The following PUM1 variants were observed in gnomAD, a reference collection of about 807,000 sequenced individuals.
PUM1 encodes the protein pumilio homolog 1.
A neutral mutation model predicts 131.8 loss-of-function variants in PUM1; 13 were observed. That is an observed-to-expected ratio of 0.10 (90% CI 0.06 to 0.16). The LOEUF (loss-of-function observed/expected upper bound fraction) is 0.16. Among genes scored for constraint, PUM1 ranks in the 10% least tolerant of loss-of-function variants. The probability of loss-of-function intolerance (pLI) is 1.00; values close to 1 mark genes in which losing one functional copy is unlikely to be tolerated. For synonymous variants in PUM1, 509 were observed against 556.5 expected (o/e 0.91, Z 1.20); for missense variants, 961 against 1,512.4 (o/e 0.64, Z 6.05).
intron 3 of PUM1, among the ~76,000 whole-genome samples, chr1:31,017,772 A>G (rs1253478089): frequency 7.9e-5 from 12 of 152,178 alleles, no homozygotes; most frequent in Non-Finnish European, 1.6e-4. Flanking sequence ...GTGAAAAATC[A>G]CTAATGTCAG....
intron 20 of PUM1, among the ~76,000 whole-genome samples, chr1:30,939,057 C>G (rs1333274430): frequency 1.3e-5 from 2 of 152,190 alleles, no homozygotes; most frequent in African/African-American, 4.8e-5. Flanking sequence ...ATTTAAACAG[C>G]TGCTGTATAA....
chr1:30,990,021 T>C (rs1272829854), intron 7 of PUM1, among the ~76,000 whole-genome samples: 2 of 152,236 alleles, frequency 1.3e-5, no homozygotes, highest in African/African-American at 4.8e-5. Context: ...CTGGATATTA[T>C]ACAGCATAGT....
At chr1:30,988,615 T>C (rs1268368963) in intron 7 of PUM1, among the ~76,000 whole-genome samples, 5 of 152,190 alleles carry the variant, frequency 3.3e-5, no homozygotes, top group Admixed American at 6.5e-5. Context: ...AGACCTCTGG[T>C]CCAACCCTCA....
intron 7 of PUM1, among the ~76,000 whole-genome samples, chr1:30,984,698 A>G (rs1340648240): frequency 1.3e-5 from 2 of 152,218 alleles, no homozygotes; most frequent in Non-Finnish European, 2.9e-5. Flanking sequence ...TATTAAAAAC[A>G]GTCTACAGAG....
chr1:30,945,142 G>C (rs1325529547), intron 18 of PUM1, among the ~76,000 whole-genome samples: 2 of 152,126 alleles, frequency 1.3e-5, no homozygotes, highest in Non-Finnish European at 2.9e-5. Context: ...GCTGAGGGGG[G>C]AGGATTGCTT....
intron 7 of PUM1, among the ~76,000 whole-genome samples, chr1:30,982,832 C>A (rs1641403795): frequency 1.3e-5 from 2 of 152,154 alleles, no homozygotes; most frequent in African/African-American, 4.8e-5. Flanking sequence ...AGATATTGGC[C>A]AATTTCACCT....
chr1:31,044,283 C>T (rs1002735565), intron 2 of PUM1, among the ~76,000 whole-genome samples: 4 of 152,058 alleles, frequency 2.6e-5, no homozygotes, highest in African/African-American at 4.8e-5. Flanking sequence ...CGCCTGTAGT[C>T]CCAGCTACTC....
At chr1:30,988,269 T>C (rs1206037278) in intron 7 of PUM1, among the ~76,000 whole-genome samples, 1 of 152,218 alleles carries the variant, frequency 6.6e-6, no homozygotes, top group Admixed American at 6.5e-5. Context: ...ATGTCACAGC[T>C]AACAAGAACT....
At chr1:31,017,868 T>C (rs908054815) in intron 3 of PUM1, among the ~76,000 whole-genome samples, 3 of 152,128 alleles carry the variant, frequency 2.0e-5, no homozygotes, top group Admixed American at 1.3e-4. Flanking sequence ...CTTTAAAAGA[T>C]TGATCTGACA....
intron 9 of PUM1, 81 bp downstream of exon 9, chr1:30,979,981 G>C: frequency 2.1e-6 from 2 of 954,200 alleles, no homozygotes; most frequent in East Asian, 2.6e-5. Context: ...ATGGATTTGG[G>C]AAAGAGTATA....
chr1:31,035,755 T>TA (rs796171418), intron 2 of PUM1, among the ~76,000 whole-genome samples: 3,016 of 132,732 alleles, frequency 0.023, 111 homozygotes, highest in African/African-American at 0.076. Context: ...CCATCTCAAA[T>TA]AAAAAAAAAA....
chr1:31,049,515 C>CAA (rs112696868), intron 2 of PUM1, among the ~76,000 whole-genome samples: 21 of 121,944 alleles, frequency 1.7e-4, no homozygotes, highest in Middle Eastern at 4.4e-3. Context: ...GATTCCGTCT[C>CAA]AAAAAAAAAA....
At chr1:31,012,552 TAAAAA>T (rs10666570) in intron 3 of PUM1, among the ~76,000 whole-genome samples, 22 of 119,184 alleles carry the variant, frequency 1.8e-4, no homozygotes, top group Non-Finnish European at 3.0e-4. Flanking sequence ...TTATGAAAAG[TAAAAA>T]AAAAAAAAAA....
chr1:31,040,457 T>C (rs1017116905), intron 2 of PUM1, among the ~76,000 whole-genome samples: 5 of 151,982 alleles, frequency 3.3e-5, no homozygotes, highest in Non-Finnish European at 7.4e-5. Context: ...ATGAAGAAGG[T>C]AGGGGATTCC....
chr1:30,942,320 A>G (rs748371423), intron 18 of PUM1, among the ~76,000 whole-genome samples, 197 bp from the exon 19 acceptor site: 7 of 147,878 alleles, frequency 4.7e-5, no homozygotes, highest in Non-Finnish European at 7.4e-5. Flanking sequence ...GTATCAATAA[A>G]CTCATCGCTT....
At chr1:30,996,606 T>C (rs1557576767) in intron 5 of PUM1, among the ~76,000 whole-genome samples, 1 of 152,198 alleles carries the variant, frequency 6.6e-6, no homozygotes, top group Non-Finnish European at 1.5e-5. Context: ...GATATACAAC[T>C]TAGCTTCATG....
At chr1:31,055,484 A>G (rs1273650426) in intron 2 of PUM1, 2 of 435,560 alleles carry the variant, frequency 4.6e-6, no homozygotes, top group Non-Finnish European at 4.6e-6. Context: ...ATGACTACAG[A>G]AAAGTAACCT....
chr1:30,992,690 C>T lies in PUM1; in HGVS notation c.888-30G>A, dbSNP rs746095896. The T allele has an allele frequency of 5.7e-6, 9 of 1,588,298 alleles. No homozygotes were observed. The South Asian group carries it at 1.0e-4, about 18-fold the overall frequency. ...ACAGAGAAAGTAAAGGGCATTAAAC[C>T]TTATTTTCAGTGGGGAGGGACTACA... On this transcript the variant is annotated intron_variant, in intron 6 of 21. Coordinates refer to ENST00000426105, the MANE Select transcript of PUM1 (RefSeq NM_001020658.2).
At position 30,966,234 on chromosome 1, in the gene PUM1, G is replaced by C. The variant is rs1448619549; in HGVS notation, c.1834C>G (p.Leu612Val). The part of the protein sequence containing the change: ...AASANGAAGG[L>V]AGTTNGPFRP... ...AATGGTCCATTTGTTGTTCCAGCAA[G>C]ACCACCAGCTGCTCCATTTGCTGAA... Residue 612 changes from leucine (L) to valine (V), a missense_variant, in exon 13 of 22, where the codon CTT becomes GTT. By Grantham distance (32) the Leu-to-Val change is conservative. Around this residue, in one of 4 missense-constraint regions of PUM1, gnomAD observed 654 missense variants for 923.9 expected, o/e 0.71. Coordinates refer to ENST00000426105, the MANE Select transcript of PUM1 (RefSeq NM_001020658.2). 5 of 1,611,204 alleles carry C rather than the reference G, an allele frequency of 3.1e-6. No homozygotes were observed. The highest frequency in any genetic ancestry group is 4.2e-6 in the Non-Finnish European group (5 of 1,177,868).
Sources: allele counts gnomAD v4.1 joint callset (sites outside exome capture counted in the v4.1 genomes callset), GRCh38; gene constraint gnomAD v4.1.1; regional missense constraint gnomAD v4.1.1; transcripts MANE v1.5; gene names NCBI Gene and HGNC (gene_info 2026-07-23, HGNC 2026-07-21).